ZNF385B: variants seen among roughly 807,000 people sequenced by gnomAD.
ZNF385B encodes zinc finger protein 385B.
A neutral mutation model predicts 39.2 loss-of-function variants in ZNF385B; 23 were observed. The observed-to-expected ratio is 0.59, with a 90% CI of 0.42 to 0.83. The LOEUF (loss-of-function observed/expected upper bound fraction) is 0.83, where lower values mean the gene tolerates loss of function less well. ZNF385B is among the 40% of genes least tolerant of loss of function. ZNF385B has a pLI of 0.00. For missense variants in ZNF385B, 552 were observed against 598.9 expected (o/e 0.92, Z 0.82); for synonymous variants, 205 against 222.6 (o/e 0.92, Z 0.70).
At chr2:179,798,765 G>T (rs1233185889) in intron 1 of ZNF385B, among the ~76,000 whole-genome samples, 7 of 152,040 alleles carry the variant, frequency 4.6e-5, no homozygotes, top group Admixed American at 1.3e-4. Context: ...TTTCCGTGTG[G>T]TATGCCATGT....
intron 3 of ZNF385B, among the ~76,000 whole-genome samples, chr2:179,603,746 T>G (rs1688585120): frequency 6.6e-6 from 1 of 152,212 alleles, no homozygotes; most frequent in Non-Finnish European, 1.5e-5. Context: ...GGTTAGTCAC[T>G]GATGAAAATA....
At chr2:179,618,651 C>T (rs2106155262) in intron 3 of ZNF385B, among the ~76,000 whole-genome samples, 1 of 152,312 alleles carries the variant, frequency 6.6e-6, no homozygotes, top group South Asian at 2.1e-4. Flanking sequence ...ATGATAGCAT[C>T]TCCTGTCACT....
chr2:179,714,210 T>C (rs1389306432), intron 3 of ZNF385B, among the ~76,000 whole-genome samples: 1 of 152,130 alleles, frequency 6.6e-6, no homozygotes, highest in Non-Finnish European at 1.5e-5. Context: ...CTACAAATAA[T>C]AACAATAACA....
chr2:179,774,700 G>A (rs555624634), intron 1 of ZNF385B, among the ~76,000 whole-genome samples: 133 of 152,330 alleles, frequency 8.7e-4, no homozygotes, highest in African/African-American at 2.4e-3. Context: ...TGTGGGCTAA[G>A]CCCACAGCTG....
At chr2:179,475,721 C>G (rs76999603) in intron 6 of ZNF385B, among the ~76,000 whole-genome samples, 21 of 616 alleles carry the variant, frequency 0.034, no homozygotes, top group South Asian at 0.071. Flanking sequence ...AAGCATTATA[C>G]TATAAGGCTT....
At chr2:179,733,565 G>A (rs1035725579) in intron 3 of ZNF385B, among the ~76,000 whole-genome samples, 4 of 152,046 alleles carry the variant, frequency 2.6e-5, no homozygotes, top group East Asian at 1.9e-4. Flanking sequence ...GGCGGATCAC[G>A]AGGTCAGGAG....
chr2:179,784,438 A>G (rs1030089137), intron 1 of ZNF385B, among the ~76,000 whole-genome samples: 1 of 152,042 alleles, frequency 6.6e-6, no homozygotes, highest in African/African-American at 2.4e-5. Context: ...CCTATGTAAC[A>G]TACTTTCACA....
intron 1 of ZNF385B, among the ~76,000 whole-genome samples, chr2:179,849,469 T>C (rs1241129614): frequency 1.3e-5 from 2 of 152,168 alleles, no homozygotes; most frequent in African/African-American, 2.4e-5. Flanking sequence ...TAATAGCTGG[T>C]TTTCTCTTCT....
At chr2:179,683,326 G>A (rs1697674384) in intron 3 of ZNF385B, among the ~76,000 whole-genome samples, 1 of 151,892 alleles carries the variant, frequency 6.6e-6, no homozygotes. Context: ...GGAGGTGGAG[G>A]TTTCAGTGAG....
At chr2:179,823,896 T>C (rs534259398) in intron 1 of ZNF385B, among the ~76,000 whole-genome samples, 1 of 152,104 alleles carries the variant, frequency 6.6e-6, no homozygotes, top group Non-Finnish European at 1.5e-5. Context: ...TTGTTTTTGG[T>C]TGCAAGTAAC....
chr2:179,631,846 CA>C (rs202153417), intron 3 of ZNF385B, among the ~76,000 whole-genome samples: 1 of 148,534 alleles, frequency 6.7e-6, no homozygotes, highest in Admixed American at 6.8e-5. Context: ...AAATAGAAAG[CA>C]AAAAAAACAC....
chr2:179,788,214 C>G (rs947390192), intron 1 of ZNF385B, among the ~76,000 whole-genome samples: 1 of 152,166 alleles, frequency 6.6e-6, no homozygotes, highest in East Asian at 1.9e-4. Context: ...CACACACACA[C>G]GCACACACAC....
chr2:179,734,455 T>C (rs150553724), intron 3 of ZNF385B, among the ~76,000 whole-genome samples: 2 of 152,340 alleles, frequency 1.3e-5, no homozygotes, highest in African/African-American at 4.8e-5. Flanking sequence ...TGTGCTACCA[T>C]ACGGTTTGAT....
intron 1 of ZNF385B, among the ~76,000 whole-genome samples, chr2:179,838,043 T>G (rs961003143): frequency 6.6e-6 from 1 of 152,166 alleles, no homozygotes; most frequent in African/African-American, 2.4e-5. Context: ...ATTTATTAAT[T>G]CTTTAAAAAC....
chr2:179,636,832 A>C (rs984222784), intron 3 of ZNF385B, among the ~76,000 whole-genome samples: 1 of 152,214 alleles, frequency 6.6e-6, no homozygotes, highest in East Asian at 1.9e-4. Flanking sequence ...GAAGCCAAGC[A>C]CATAATTTTA....
At chr2:179,560,006 AAG>A (rs756324443) in intron 3 of ZNF385B, among the ~76,000 whole-genome samples, 9 of 152,204 alleles carry the variant, frequency 5.9e-5, no homozygotes, top group Admixed American at 1.3e-4. Context: ...GTCTACATAT[AAG>A]AGAGATCATG....
intron 3 of ZNF385B, among the ~76,000 whole-genome samples, chr2:179,683,316 G>A (rs1697672675): frequency 6.6e-6 from 1 of 151,928 alleles, no homozygotes; most frequent in Non-Finnish European, 1.5e-5. Flanking sequence ...CTTGAACCTG[G>A]GAGGTGGAGG....
chr2:179,658,154 A>C (rs1357651238), intron 3 of ZNF385B, among the ~76,000 whole-genome samples: 1 of 152,202 alleles, frequency 6.6e-6, no homozygotes, highest in African/African-American at 2.4e-5. Context: ...ATTGGTCAGA[A>C]TTTTCTTTGA....
intron 1 of ZNF385B, among the ~76,000 whole-genome samples, chr2:179,785,974 G>A (rs1275374741): frequency 2.0e-5 from 3 of 152,044 alleles, no homozygotes; most frequent in Non-Finnish European, 2.9e-5. Flanking sequence ...AGAGTACATC[G>A]ATGTAGCAAA....
Sources: gnomAD v4.1 joint callset for allele counts (sites outside exome capture counted in the v4.1 genomes callset) on GRCh38, gnomAD v4.1.1 for gene constraint, MANE v1.5 for transcripts, NCBI Gene and HGNC (gene_info 2026-07-23, HGNC 2026-07-21) for gene names.